The following FXR1 variants were observed in gnomAD, a reference collection of about 807,000 sequenced individuals.
FXR1 encodes RNA-binding protein FXR1.
Under a neutral mutation model 84.0 loss-of-function variants are expected in FXR1, and 15 were observed. The observed-to-expected ratio is 0.18, with a 90% CI of 0.12 to 0.27. The LOEUF is 0.27. Ranked by LOEUF, FXR1 falls within the 10% of genes least tolerant of loss-of-function variation. The probability of loss-of-function intolerance (pLI) is 1.00; values close to 1 mark genes in which losing one functional copy is unlikely to be tolerated. For synonymous variants in FXR1, 245 were observed against 250.7 expected (o/e 0.98, Z 0.21); for missense variants, 480 against 774.4 (o/e 0.62, Z 4.51).
At chr3:180,921,288 A>G (rs1718557266) in intron 1 of FXR1, among the ~76,000 whole-genome samples, 1 of 151,822 alleles carries the variant, frequency 6.6e-6, no homozygotes, top group African/African-American at 2.4e-5. Context: ...GAATCCCTTG[A>G]ACCCAGGGTG....
intron 3 of FXR1, among the ~76,000 whole-genome samples, chr3:180,943,910 T>G (rs1205461909): frequency 6.6e-6 from 1 of 152,090 alleles, no homozygotes; most frequent in African/African-American, 2.4e-5. Context: ...TTCTTTTGGT[T>G]GTTAGGATAT....
At chr3:180,920,702 C>T (rs951959400) in intron 1 of FXR1, among the ~76,000 whole-genome samples, 2 of 151,870 alleles carry the variant, frequency 1.3e-5, no homozygotes, top group Non-Finnish European at 1.5e-5. Flanking sequence ...GTAGAGATGG[C>T]GATTTGCCGT....
At chr3:180,922,751 T>G (rs1232625852) in intron 1 of FXR1, among the ~76,000 whole-genome samples, 1 of 152,170 alleles carries the variant, frequency 6.6e-6, no homozygotes, top group Non-Finnish European at 1.5e-5. Context: ...TATCTGAGAC[T>G]ACAGACATGT....
At chr3:180,963,900 CCTTTT>C (rs1429900338) in intron 13 of FXR1, among the ~76,000 whole-genome samples, 2 of 151,960 alleles carry the variant, frequency 1.3e-5, no homozygotes, top group African/African-American at 4.8e-5. Flanking sequence ...TTTCTCTTTT[CCTTTT>C]CTTTTCTTCA....
chr3:180,915,329 G>A (rs914214507), intron 1 of FXR1: 1 of 559,706 alleles, frequency 1.8e-6, no homozygotes, highest in Non-Finnish European at 3.1e-6. Flanking sequence ...TTTCCGTCAT[G>A]CCCTTTTCAG....
At chr3:180,967,758 A>G (rs1235983162) in intron 13 of FXR1, among the ~76,000 whole-genome samples, 1 of 152,088 alleles carries the variant, frequency 6.6e-6, no homozygotes, top group Non-Finnish European at 1.5e-5. Flanking sequence ...AGCACATCTT[A>G]GCAGACTGCA....
rs189150841 is a variant in FXR1, at chr3:180,943,422, A to G, written c.199-4443A>G. Among the ~76,000 whole-genome samples the G allele has an allele frequency of 2.7e-4, 40 of 150,656 alleles. 1 individual carries two copies. The highest frequency in any genetic ancestry group is 9.5e-4 in the African/African-American group (39 of 40,920). The stretch of plus-strand genomic sequence containing the variant: ...GGATTACGGGCGCCCGCCCACCACC[A>G]TGCCCAGCTAATTTTTGTACTTTTA... On this transcript the variant is annotated intron_variant, in intron 3 of 16. Transcript: ENST00000357559.
At position 180,943,076 on chromosome 3, in the gene FXR1, C is replaced by T. The variant is rs527582540; in HGVS notation, c.199-4789C>T. ...CTGCCTCCTAGGTTAAAGTGATTCT[C>T]CTGCCTCAGCCTCCTGAGTAGCTGG... On this transcript the variant is annotated intron_variant, in intron 3 of 16. Coordinates refer to ENST00000357559, the MANE Select transcript of FXR1 (RefSeq NM_005087.4). Among the ~76,000 whole-genome samples the T allele has an allele frequency of 1.3e-4, 20 of 151,928 alleles. No individual in the cohort carries two copies. The South Asian group carries it at 4.2e-3, about 32-fold the overall frequency.
rs538333713 is a variant in FXR1, at chr3:180,948,585, C to G, written c.419+90C>G. ...CATTTTCCCTAATGCCCAATCAAAC[C>G]TTCTGATGGAAAATCATCTTAATGA... On this transcript the variant is annotated intron_variant, in intron 5 of 16. Coordinates refer to ENST00000357559, the MANE Select transcript of FXR1 (RefSeq NM_005087.4). 5.7e-6 allele frequency: 6 copies of G among 1,057,908 alleles called. No homozygotes were observed. In the South Asian group the frequency reaches 5.8e-5, roughly 10 times the overall value. The allele number at this position is 1,057,908 out of a possible 1,614,324, so 65.5% of individuals were successfully genotyped here. A position where few individuals can be genotyped will look rare whatever the true frequency, so the allele number is the denominator to read the frequency against.
At chr3:180,956,740 G>A (rs1188617663) in intron 9 of FXR1, among the ~76,000 whole-genome samples, 1 of 151,600 alleles carries the variant, frequency 6.6e-6, no homozygotes, top group East Asian at 1.9e-4. Flanking sequence ...TTAAATTTAG[G>A]CTTATTAATG....
intron 3 of FXR1, among the ~76,000 whole-genome samples, chr3:180,942,184 C>G (rs532956441): frequency 7.2e-5 from 11 of 151,924 alleles, no homozygotes; most frequent in Non-Finnish European, 7.4e-5. Context: ...TGAGACCATC[C>G]TGGCTAACAC....
chr3:180,946,230 A>G (rs1430926485), intron 3 of FXR1, among the ~76,000 whole-genome samples: 2 of 152,236 alleles, frequency 1.3e-5, no homozygotes, highest in Non-Finnish European at 2.9e-5. Context: ...CTGTATGAAC[A>G]TTAACAGTTT....
At chr3:180,944,621 C>A (rs879280045) in intron 3 of FXR1, among the ~76,000 whole-genome samples, 3 of 152,046 alleles carry the variant, frequency 2.0e-5, no homozygotes, top group Admixed American at 1.3e-4. Flanking sequence ...GCCACTGTGC[C>A]CCCCATTATT....
chr3:180,918,112 C>A (rs1576883494), intron 1 of FXR1, among the ~76,000 whole-genome samples: 1 of 152,000 alleles, frequency 6.6e-6, no homozygotes, highest in Admixed American at 6.6e-5. Context: ...TTAAATACTT[C>A]CAGAAAACAT....
At chr3:180,923,783 C>A (rs569614061) in intron 1 of FXR1, among the ~76,000 whole-genome samples, 1 of 151,966 alleles carries the variant, frequency 6.6e-6, no homozygotes, top group African/African-American at 2.4e-5. Context: ...TGATCTGTCT[C>A]CCTATGTTGC....
chr3:180,971,057 TA>T, intron 15 of FXR1: 1 of 1,123,690 alleles, frequency 8.9e-7, no homozygotes, highest in African/African-American at 1.6e-5. Flanking sequence ...TAGTTCATGG[TA>T]AACTTTGCAA....
intron 9 of FXR1, among the ~76,000 whole-genome samples, chr3:180,956,347 A>G (rs542541367): frequency 1.8e-4 from 27 of 152,292 alleles, no homozygotes; most frequent in East Asian, 3.9e-4. Flanking sequence ...CAGTTTGTCA[A>G]TATGGTCTGG....
chr3:180,966,693 A>T (rs1369149023), intron 13 of FXR1, among the ~76,000 whole-genome samples: 2 of 152,180 alleles, frequency 1.3e-5, no homozygotes, highest in Non-Finnish European at 2.9e-5. Flanking sequence ...CAGGGGGAAA[A>T]AATAACAACA....
chr3:180,926,506 A>ATTTTTTTTT (rs57540765), intron 1 of FXR1, among the ~76,000 whole-genome samples: 6 of 124,374 alleles, frequency 4.8e-5, no homozygotes, highest in African/African-American at 1.5e-4. Flanking sequence ...ATATATATAT[A>ATTTTTTTTT]TTTTTTTTTC....
Sources: gnomAD v4.1 joint callset for allele counts (sites outside exome capture counted in the v4.1 genomes callset) on GRCh38, gnomAD v4.1.1 for gene constraint, MANE v1.5 for transcripts, NCBI Gene and HGNC (gene_info 2026-07-23, HGNC 2026-07-21) for gene names.